DAGLB: variants seen among roughly 807,000 people sequenced by gnomAD.
The protein encoded by DAGLB is diacylglycerol lipase beta.
DAGLB carries 66 observed loss-of-function variants against 72.1 expected under a neutral mutation model. The observed-to-expected ratio is 0.92, with a 90% CI of 0.75 to 1.12. The LOEUF is 1.12. Ranked by LOEUF, DAGLB falls within the 50% of genes most tolerant of loss-of-function variation. The pLI, the probability that DAGLB is intolerant of heterozygous loss-of-function variation, is 0.00. For synonymous variants in DAGLB, 414 were observed against 359.5 expected, an observed-to-expected ratio of 1.15 and a Z score of -1.71; for missense variants, 1,065 against 884.9, an observed-to-expected ratio of 1.20 and a Z score of -2.58.
At chr7:6,424,160 C>G (rs1391704915) in intron 8 of DAGLB, among the ~76,000 whole-genome samples, 1 of 152,128 alleles carries the variant, frequency 6.6e-6, no homozygotes, top group Non-Finnish European at 1.5e-5. Context: ...CAGGAGGAAA[C>G]CGGAATGGAG....
intron 7 of DAGLB, among the ~76,000 whole-genome samples, chr7:6,425,159 A>G (rs899381521): frequency 9.9e-5 from 15 of 152,252 alleles, no homozygotes; most frequent in African/African-American, 3.6e-4. Flanking sequence ...TCTACTGGGC[A>G]GCAAAGTGGG....
chr7:6,418,911 G>A (rs1053667937), intron 9 of DAGLB, among the ~76,000 whole-genome samples: 3 of 151,764 alleles, frequency 2.0e-5, no homozygotes, highest in African/African-American at 7.3e-5. Flanking sequence ...TGATCCACCC[G>A]CCTCGGCCTC....
chr7:6,430,012 C>G (rs993353853), intron 6 of DAGLB, among the ~76,000 whole-genome samples: 9 of 151,218 alleles, frequency 6.0e-5, no homozygotes, highest in Non-Finnish European at 1.5e-5. Flanking sequence ...CCACTGCACT[C>G]CAGCCTGGGC....
chr7:6,446,010 T>A lies in DAGLB; in HGVS notation c.190A>T (p.Ile64Phe), dbSNP rs751530420. 9 of 1,613,366 alleles carry A rather than the reference T, an allele frequency of 5.6e-6. No homozygotes were observed. Among genetic ancestry groups the A allele is most frequent in the Admixed American group, 1.7e-5 (1 of 59,892 alleles). ...LLSSYLIVLM[I>F]LLAVVICTVS... ...GTACATATGACAACTGCCAGGAGAA[T>A]CATGAGGACGATCAAGTAACTGCTG... Residue 64 changes from isoleucine to phenylalanine, a missense_variant, in exon 2 of 15, where the codon ATT becomes TTT. By Grantham distance (21) the Ile-to-Phe change is conservative (BLOSUM62 0). Coordinates refer to ENST00000297056, the MANE Select transcript of DAGLB (RefSeq NM_139179.4).
rs182075459 is a variant in DAGLB, at chr7:6,431,214, A to G, written c.802-607T>C. ...CCTGAAACTAGTACATTTCCATGCC[A>G]CTGCCACACACGAGCTGTCAAGAAC... On this transcript the variant is annotated intron_variant, in intron 5 of 14. Coordinates refer to ENST00000297056, the MANE Select transcript of DAGLB (RefSeq NM_139179.4). Among the ~76,000 whole-genome samples, 1,100 of 152,086 alleles carry G rather than the reference A, an allele frequency of 7.2e-3. 9 individuals carry two copies. The highest frequency in any genetic ancestry group is 0.014 in the African/African-American group (592 of 41,502).
rs1312135745 is a variant in DAGLB, at chr7:6,409,634, C to T, written c.*203G>A. ...CTCAGGAGTCGTCCTATCACCTGAG[C>T]GTGCTCACTACTTCTGCTACCATTA... On this transcript the variant is annotated 3_prime_UTR_variant, in exon 15 of 15. Coordinates refer to ENST00000297056, the MANE Select transcript of DAGLB (RefSeq NM_139179.4). The T allele has an allele frequency of 1.1e-5, 7 of 656,236 alleles. No individual in the cohort carries two copies. Among genetic ancestry groups the T allele is most frequent in the African/African-American group, 3.6e-5 (2 of 54,814 alleles). 40.7% of individuals were successfully genotyped at this position (656,236 alleles called of 1,614,324 possible).
intron 1 of DAGLB, among the ~76,000 whole-genome samples, chr7:6,447,470 G>A (rs6945450): frequency 0.066 from 10,021 of 152,254 alleles, 1,000 homozygotes; most frequent in East Asian, 0.5. Flanking sequence ...TGCACACAAA[G>A]GGGTGCTCGC....
chr7:6,425,219 A>C (rs1433544910), intron 7 of DAGLB, among the ~76,000 whole-genome samples: 1 of 152,114 alleles, frequency 6.6e-6, no homozygotes, highest in Admixed American at 6.5e-5. Flanking sequence ...GCCTATGAGA[A>C]TCACCTGGAG....
intron 13 of DAGLB, among the ~76,000 whole-genome samples, chr7:6,411,539 A>T (rs1783729236): frequency 6.6e-6 from 1 of 152,168 alleles, no homozygotes; most frequent in African/African-American, 2.4e-5. Context: ...AGGTGGGAGG[A>T]TCAGTTGAAC....
intron 2 of DAGLB, among the ~76,000 whole-genome samples, chr7:6,441,181 C>T (rs952274646): frequency 2.7e-5 from 4 of 150,600 alleles, no homozygotes; most frequent in African/African-American, 9.8e-5. Context: ...AGCTCCGCCT[C>T]CCAGGTTCAT....
chr7:6,424,654 G>T (rs1784244659), intron 8 of DAGLB, 98 bp downstream of exon 8: 5 of 1,138,448 alleles, frequency 4.4e-6, no homozygotes, highest in Non-Finnish European at 6.6e-6. Flanking sequence ...TTTCCCCTGT[G>T]TCTCATGCGG....
chr7:6,413,690 AT>A (rs1783809804), intron 11 of DAGLB, among the ~76,000 whole-genome samples: 1 of 151,750 alleles, frequency 6.6e-6, no homozygotes, highest in African/African-American at 2.4e-5. Context: ...GCAACAGGCG[AT>A]TCACTGCGGC....
At chr7:6,429,600 A>T (rs1294979549) in intron 6 of DAGLB, among the ~76,000 whole-genome samples, 3 of 151,874 alleles carry the variant, frequency 2.0e-5, no homozygotes, top group African/African-American at 7.3e-5. Flanking sequence ...TGTCTCTACT[A>T]AACATACAAA....
At chr7:6,414,776 C>T (rs1431648835) in intron 11 of DAGLB, among the ~76,000 whole-genome samples, 1 of 151,928 alleles carries the variant, frequency 6.6e-6, no homozygotes, top group African/African-American at 2.4e-5. Context: ...TAAAAGGAAC[C>T]AATATTCCTT....
chr7:6,410,115 C>T lies in DAGLB; in HGVS notation c.1820+15G>A. On this transcript the variant is annotated intron_variant, in intron 14 of 14. Coordinates refer to ENST00000297056, the MANE Select transcript of DAGLB (RefSeq NM_139179.4). ...TGCTCCTGCCTGCCCACCACACCCACCACGCCGCACTCACCGCCCCGAGGC... is the reference window on the plus strand; with the variant it reads ...TGCTCCTGCCTGCCCACCACACCCATCACGCCGCACTCACCGCCCCGAGGC... The T allele has an allele frequency of 6.4e-7, 1 of 1,572,784 alleles. No homozygotes were observed. Among genetic ancestry groups the T allele is most frequent in the South Asian group, 1.2e-5 (1 of 84,402 alleles).
rs150725800 is a variant in DAGLB at position 6,439,304 on chromosome 7, T to G, written c.248-2771A>C. On this transcript the variant is annotated intron_variant, in intron 2 of 14. Coordinates refer to ENST00000297056, the MANE Select transcript of DAGLB (RefSeq NM_139179.4). ...AAAAAGAAAAACTTTCCCTTTTATT[T>G]TTCCTTAAGAAAAACAGATGCTAGT... Among the ~76,000 whole-genome samples the G allele has an allele frequency of 1.9e-3, 288 of 152,220 alleles. 14 individuals carry two copies. The East Asian group carries it at 0.042, about 22-fold the overall frequency.
At chr7:6,435,117 T>C in intron 3 of DAGLB, 97 bp from the exon 4 acceptor site, 2 of 1,518,548 alleles carry the variant, frequency 1.3e-6, no homozygotes, top group East Asian at 4.5e-5. Flanking sequence ...TCTGAGTCTC[T>C]ACCACGGAGG....
chr7:6,447,827 G>A lies in DAGLB; in HGVS notation c.16C>T (p.Leu6Phe). The part of the protein sequence containing the change: MPGMV[L>F]FGRRWAIASD... ...GCGATGGCCCAGCGCCGGCCGAAGA[G>A]TACCATCCCCGGCATGGCGAAGGTC... The change falls in exon 1 of 15, where the codon CTC becomes TTC. Residue 6 changes from leucine (L) to phenylalanine (F), a missense_variant. By Grantham distance (22) the Leu-to-Phe change is conservative. Transcript: ENST00000297056. 6.2e-7 allele frequency: 1 copy of A among 1,612,580 alleles called. No individual in the cohort carries two copies. Among genetic ancestry groups the A allele is most frequent in the Non-Finnish European group, 8.5e-7 (1 of 1,179,440 alleles).
intron 6 of DAGLB, among the ~76,000 whole-genome samples, chr7:6,429,861 G>A (rs566693806): frequency 1.3e-5 from 2 of 152,096 alleles, no homozygotes; most frequent in South Asian, 2.1e-4. Context: ...TGGCTAACAC[G>A]GTGAAACCCC....
Sources: allele counts gnomAD v4.1 joint callset (sites outside exome capture counted in the v4.1 genomes callset), GRCh38; gene constraint gnomAD v4.1.1; transcripts MANE v1.5; gene names NCBI Gene and HGNC (gene_info 2026-07-23, HGNC 2026-07-21).